ATP8B4: variants seen among roughly 807,000 people sequenced by gnomAD.
ATP8B4 encodes ATPase phospholipid transporting 8B4 (putative).
A neutral mutation model predicts 145.6 loss-of-function variants in ATP8B4; 133 were observed. That is an observed-to-expected ratio of 0.91 (90% confidence interval 0.79 to 1.05). The LOEUF (loss-of-function observed/expected upper bound fraction) is 1.05, where lower values mean the gene tolerates loss of function less well. Ranked by LOEUF, ATP8B4 falls within the 50% of genes least tolerant of loss-of-function variation. The pLI is 0.00. For synonymous variants in ATP8B4, 507 were observed against 492.9 expected (o/e 1.03, Z -0.38); for missense variants, 1,458 against 1,425.2 (o/e 1.02, Z -0.37).
chr15:50,172,266 C>T (rs898136763), intron 1 of ATP8B4, among the ~76,000 whole-genome samples: 1 of 152,270 alleles, frequency 6.6e-6, no homozygotes. Context: ...CCTCAGCCTG[C>T]CGAGTGCCTG....
intron 6 of ATP8B4, among the ~76,000 whole-genome samples, chr15:50,026,530 G>A (rs1376547221): frequency 6.6e-6 from 1 of 152,124 alleles, no homozygotes; most frequent in African/African-American, 2.4e-5. Context: ...TACCATAAAG[G>A]GTGAGAGGGC....
chr15:49,949,070 G>A (rs2042832456), intron 14 of ATP8B4, among the ~76,000 whole-genome samples: 1 of 152,154 alleles, frequency 6.6e-6, no homozygotes, highest in Admixed American at 6.5e-5. Context: ...GGTTATGGTA[G>A]CCTGGTAGTA....
chr15:50,149,983 C>T (rs1416099250), intron 1 of ATP8B4, among the ~76,000 whole-genome samples: 9 of 151,996 alleles, frequency 5.9e-5, no homozygotes, highest in African/African-American at 1.7e-4. Context: ...TGCCTGTAAT[C>T]CCAGCTACTC....
At position 50,011,023 on chromosome 15, in the gene ATP8B4, G is replaced by C. The variant is rs1277208094; in HGVS notation, c.363-106C>G. On this transcript the variant is annotated intron_variant, in intron 6 of 27. Transcript: ENST00000284509. The stretch of plus-strand genomic sequence containing the variant: ...ATCATATAACAGAGGAAGCAGGCAA[G>C]ACTTTCCTAGTATGTTAATTCAAAA... The C allele has an allele frequency of 5.9e-6, 4 of 679,920 alleles. No homozygotes were observed. The African/African-American group carries it at 7.7e-5, about 13-fold the overall frequency. The allele number at this position is 679,920 out of a possible 1,614,324, so 42.1% of individuals were successfully genotyped here. A position where few individuals can be genotyped will look rare whatever the true frequency, so the allele number is the denominator to read the frequency against.
chr15:49,904,367 G>A (rs1431948532), intron 20 of ATP8B4, among the ~76,000 whole-genome samples: 1 of 152,104 alleles, frequency 6.6e-6, no homozygotes, highest in Non-Finnish European at 1.5e-5. Flanking sequence ...CATTATTAGA[G>A]TTCATGAAAT....
intron 13 of ATP8B4, among the ~76,000 whole-genome samples, chr15:49,968,013 C>T (rs1371252725): frequency 1.3e-5 from 2 of 152,160 alleles, no homozygotes; most frequent in African/African-American, 2.4e-5. Flanking sequence ...AATTTCATAT[C>T]CAGCCAAACT....
At chr15:50,176,500 C>T (rs2140879640) in intron 1 of ATP8B4, among the ~76,000 whole-genome samples, 1 of 151,500 alleles carries the variant, frequency 6.6e-6, no homozygotes, top group African/African-American at 2.4e-5. Context: ...CCACCTGTAC[C>T]CCAATAACTT....
At chr15:50,015,407 G>A (rs553041760) in intron 6 of ATP8B4, among the ~76,000 whole-genome samples, 1 of 152,318 alleles carries the variant, frequency 6.6e-6, no homozygotes, top group East Asian at 1.9e-4. Flanking sequence ...CTTGGCCAAG[G>A]TCACATATAA....
intron 3 of ATP8B4, among the ~76,000 whole-genome samples, chr15:50,073,161 G>A (rs1379513357): frequency 5.3e-5 from 8 of 150,908 alleles, no homozygotes; most frequent in East Asian, 3.9e-4. Context: ...AGGTATACAC[G>A]TGCCATGGTG....
chr15:50,154,564 T>A (rs960470425), intron 1 of ATP8B4, among the ~76,000 whole-genome samples: 1 of 152,232 alleles, frequency 6.6e-6, no homozygotes, highest in Non-Finnish European at 1.5e-5. Context: ...CAATATTTCA[T>A]AGATGAGAAC....
At chr15:49,963,173 A>C (rs1286223622) in intron 13 of ATP8B4, among the ~76,000 whole-genome samples, 1 of 152,232 alleles carries the variant, frequency 6.6e-6, no homozygotes, top group Non-Finnish European at 1.5e-5. Flanking sequence ...AAAAAAGCTT[A>C]ACATTACTGA....
intron 1 of ATP8B4, among the ~76,000 whole-genome samples, chr15:50,160,316 T>A (rs1371588172): frequency 1.3e-5 from 2 of 151,852 alleles, no homozygotes; most frequent in Non-Finnish European, 2.9e-5. Context: ...ATTTGTGAAT[T>A]TTATCTTTTC....
At chr15:50,135,285 T>C (rs2044106135) in intron 1 of ATP8B4, among the ~76,000 whole-genome samples, 1 of 152,182 alleles carries the variant, frequency 6.6e-6, no homozygotes, top group South Asian at 2.1e-4. Context: ...GATAAGGAGG[T>C]ACTCTACATT....
intron 23 of ATP8B4, chr15:49,896,968 G>T (rs1040894497): frequency 5.2e-5 from 13 of 247,916 alleles, no homozygotes; most frequent in Non-Finnish European, 9.4e-5. Flanking sequence ...GCAGACTTCT[G>T]TTCTAAATTA....
intron 3 of ATP8B4, among the ~76,000 whole-genome samples, chr15:50,056,308 ACCCTCC>A (rs1192398358): frequency 6.6e-6 from 1 of 152,118 alleles, no homozygotes; most frequent in African/African-American, 2.4e-5. Flanking sequence ...GTAAGCAAAG[ACCCTCC>A]CATCATCGAG....
chr15:50,119,678 G>A (rs1330577538), upstream of ATP8B4, among the ~76,000 whole-genome samples: 1 of 151,254 alleles, frequency 6.6e-6, no homozygotes. Flanking sequence ...CTTGACTGAG[G>A]AAGATAAGCA....
Position 49,953,104 on chromosome 15 carries a change from C to T in ATP8B4, c.1287+8873G>A, listed in dbSNP as rs2043239987. Reference sequence around the variant, plus strand: ...CTTCTCCTTCTTCTGGGACCTCTGACCTCGAGGGGCACCAACCTGATGCCA... The same window carrying T: ...CTTCTCCTTCTTCTGGGACCTCTGATCTCGAGGGGCACCAACCTGATGCCA... On this transcript the variant is annotated intron_variant, in intron 14 of 27. Transcript: ENST00000284509. Among the ~76,000 whole-genome samples the T allele has an allele frequency of 3.3e-5, 5 of 152,160 alleles. 1 individual carries two copies. In the South Asian group the frequency reaches 1.0e-3, roughly 32 times the overall value.
chr15:50,136,916 C>T (rs1488065585), intron 1 of ATP8B4, among the ~76,000 whole-genome samples: 1 of 152,120 alleles, frequency 6.6e-6, no homozygotes, highest in Non-Finnish European at 1.5e-5. Context: ...AAAAGTATTC[C>T]ATACATATGA....
chr15:50,162,489 T>C (rs11637945), intron 1 of ATP8B4, among the ~76,000 whole-genome samples: 83,589 of 150,414 alleles, frequency 0.56, 23,935 homozygotes, highest in East Asian at 0.93. Flanking sequence ...CTATATCTTA[T>C]AGGCAAGTTT....
Sources: gnomAD v4.1 joint callset for allele counts (sites outside exome capture counted in the v4.1 genomes callset) on GRCh38, gnomAD v4.1.1 for gene constraint, MANE v1.5 for transcripts, NCBI Gene and HGNC (gene_info 2026-07-23, HGNC 2026-07-21) for gene names.